PARD3B: variants seen among roughly 807,000 people sequenced by gnomAD.
The protein encoded by PARD3B is partitioning defective 3 homolog B.
PARD3B carries 103 observed loss-of-function variants against 130.2 expected under a neutral mutation model. The observed-to-expected ratio is 0.79, with a 90% CI of 0.67 to 0.93. The LOEUF (loss-of-function observed/expected upper bound fraction) is 0.93, where lower values mean the gene tolerates loss of function less well. PARD3B is among the 40% of genes least tolerant of loss of function. PARD3B has a pLI of 0.00. For synonymous variants in PARD3B, 583 were observed against 553.2 expected (o/e 1.05, Z -0.76); for missense variants, 1,609 against 1,499.2 (o/e 1.07, Z -1.21).
chr2:204,742,540 A>G (rs766060293), intron 2 of PARD3B, among the ~76,000 whole-genome samples: 1 of 152,116 alleles, frequency 6.6e-6, no homozygotes, highest in Non-Finnish European at 1.5e-5. Context: ...GTGAGAATAG[A>G]GCAAAAGCTG....
At chr2:204,658,633 C>A (rs1361033395) in intron 1 of PARD3B, among the ~76,000 whole-genome samples, 1 of 150,990 alleles carries the variant, frequency 6.6e-6, no homozygotes, top group Non-Finnish European at 1.5e-5. Flanking sequence ...TTTTTTTTTT[C>A]TTTTCCAAAC....
chr2:204,869,971 A>G (rs577136324), intron 2 of PARD3B, among the ~76,000 whole-genome samples: 3 of 152,300 alleles, frequency 2.0e-5, no homozygotes, highest in Non-Finnish European at 4.4e-5. Flanking sequence ...TGGTCAGCAT[A>G]GTGTTTTCTG....
At chr2:205,554,256 T>TC (rs1245307993) in intron 22 of PARD3B, among the ~76,000 whole-genome samples, 1 of 151,822 alleles carries the variant, frequency 6.6e-6, no homozygotes, top group African/African-American at 2.4e-5. Flanking sequence ...AAGCAGAGTT[T>TC]TTTTATCAAA....
At chr2:204,748,490 G>A (rs149387663) in intron 2 of PARD3B, among the ~76,000 whole-genome samples, 1 of 152,108 alleles carries the variant, frequency 6.6e-6, no homozygotes, top group Non-Finnish European at 1.5e-5. Context: ...GATGAGAAAC[G>A]ATTGTGGAAT....
chr2:205,261,485 A>G (rs2040309071), intron 16 of PARD3B, among the ~76,000 whole-genome samples: 1 of 152,170 alleles, frequency 6.6e-6, no homozygotes, highest in Admixed American at 6.6e-5. Flanking sequence ...GAAGCCAGAC[A>G]TGGTTTTATT....
At chr2:204,789,067 T>G (rs1163031170) in intron 2 of PARD3B, among the ~76,000 whole-genome samples, 1 of 152,180 alleles carries the variant, frequency 6.6e-6, no homozygotes, top group Non-Finnish European at 1.5e-5. Flanking sequence ...ATTGCTATTA[T>G]TATTTTATAG....
chr2:204,788,991 T>G (rs1441158587), intron 2 of PARD3B, among the ~76,000 whole-genome samples: 3 of 152,208 alleles, frequency 2.0e-5, no homozygotes, highest in Non-Finnish European at 4.4e-5. Context: ...CACTTACATT[T>G]TTATCACTTG....
At chr2:204,743,062 AT>A (rs1022486821) in intron 2 of PARD3B, among the ~76,000 whole-genome samples, 6 of 152,220 alleles carry the variant, frequency 3.9e-5, no homozygotes, top group African/African-American at 1.4e-4. Context: ...TCCTTTATTA[AT>A]TTTTTGGAAT....
chr2:205,200,993 A>T (rs772298329), intron 15 of PARD3B, among the ~76,000 whole-genome samples: 4 of 152,196 alleles, frequency 2.6e-5, no homozygotes, highest in African/African-American at 4.8e-5. Flanking sequence ...TCAAAGGAGA[A>T]AACAGCTCCA....
chr2:204,806,193 A>G (rs1178686923), intron 2 of PARD3B, among the ~76,000 whole-genome samples: 2 of 152,142 alleles, frequency 1.3e-5, no homozygotes, highest in Non-Finnish European at 2.9e-5. Context: ...GACATCTGGA[A>G]CAAAAAGAAC....
intron 2 of PARD3B, among the ~76,000 whole-genome samples, chr2:204,913,800 A>G (rs1037759472): frequency 5.9e-5 from 9 of 152,186 alleles, no homozygotes; most frequent in Non-Finnish European, 4.4e-5. Context: ...TATGTGTATT[A>G]TTTTCTCAAA....
chr2:205,383,141 T>TAGATAGATAGATAGA lies in PARD3B; in HGVS notation c.2631-17872_2631-17871insAGATAGATAGATAGA. On this transcript the variant is annotated intron_variant, in intron 18 of 22. Coordinates refer to ENST00000406610, the MANE Select transcript of PARD3B (RefSeq NM_001302769.2). ...ATAGATAGATAGATAGATAGATAGA[T>TAGATAGATAGATAGA]CGATCTAAACTATGTCTACACATAT... is the stretch of plus-strand genomic sequence containing the variant. Among the ~76,000 whole-genome samples, 3 of 102,054 alleles carry TAGATAGATAGATAGA rather than the reference T, an allele frequency of 2.9e-5. 1 individual carries two copies. Among genetic ancestry groups the TAGATAGATAGATAGA allele is most frequent in the Non-Finnish European group, 7.2e-5 (3 of 41,808 alleles). The allele number at this position is 102,054 out of a possible 152,430, so 67.0% of individuals were successfully genotyped here. A position where few individuals can be genotyped will look rare whatever the true frequency, so the allele number is the denominator to read the frequency against.
chr2:205,488,370 A>G (rs2049531000), intron 20 of PARD3B, among the ~76,000 whole-genome samples: 1 of 152,116 alleles, frequency 6.6e-6, no homozygotes, highest in Non-Finnish European at 1.5e-5. Flanking sequence ...TCGTGCTCCT[A>G]TAAGAATCTA....
At chr2:205,194,006 T>C (rs2036538062) in intron 15 of PARD3B, among the ~76,000 whole-genome samples, 1 of 152,168 alleles carries the variant, frequency 6.6e-6, no homozygotes, top group South Asian at 2.1e-4. Flanking sequence ...TCTGAAAGCC[T>C]TGGGACATCT....
In PARD3B at chr2:204,610,419, G is replaced by A. The variant is rs187642212; in HGVS notation, c.120+64300G>A. ...TGCCTAGGCTGGAGGGCAGTGGCACGGTCTTGGCTTACTGCAACCTCGACC... is the reference window on the plus strand; with the variant it reads ...TGCCTAGGCTGGAGGGCAGTGGCACAGTCTTGGCTTACTGCAACCTCGACC... On this transcript the variant is annotated intron_variant, in intron 1 of 22. Coordinates refer to ENST00000406610, the MANE Select transcript of PARD3B (RefSeq NM_001302769.2). This position sits in a 1 kb window ranked among gnomAD's most constrained non-coding sequence, Gnocchi z 4.1. 3.2e-3 allele frequency among the ~76,000 whole-genome samples: 481 copies of A among 152,204 alleles called. No homozygotes were observed. The highest frequency in any genetic ancestry group is 0.01 in the Middle Eastern group (3 of 294).
At chr2:205,612,487 C>A (rs1252132928) in intron 22 of PARD3B, among the ~76,000 whole-genome samples, 1 of 152,014 alleles carries the variant, frequency 6.6e-6, no homozygotes, top group East Asian at 1.9e-4. Flanking sequence ...ACATAATAGT[C>A]AGAAGAACTT....
intron 10 of PARD3B, among the ~76,000 whole-genome samples, chr2:205,151,939 G>A (rs556511326): frequency 1.3e-5 from 2 of 152,184 alleles, no homozygotes; most frequent in Non-Finnish European, 2.9e-5. Flanking sequence ...TTCAGGAGCT[G>A]TTGTAAGGCA....
intron 5 of PARD3B, among the ~76,000 whole-genome samples, chr2:205,106,817 G>A (rs191780369): frequency 1.4e-4 from 22 of 152,282 alleles, no homozygotes; most frequent in Non-Finnish European, 2.4e-4. Context: ...GCAATTCCCA[G>A]CACTTTAAGA....
chr2:205,113,522 G>A lies in PARD3B; in HGVS notation c.625G>A (p.Glu209Lys), dbSNP rs1051106307. 3.7e-6 allele frequency: 6 copies of A among 1,613,242 alleles called. No homozygotes were observed. Among genetic ancestry groups the A allele is most frequent in the Non-Finnish European group, 5.1e-6 (6 of 1,179,586 alleles). ...DMTRTVEISGEGGPLGIHVVP... is the reference protein window; with the variant it reads ...DMTRTVEISGKGGPLGIHVVP... ...GACAAGAACAGTGGAGATTTCTGGG[G>A]AAGGAGGCCCATTGGGAATACATGT... Residue 209 changes from glutamate to lysine, a missense_variant, in exon 6 of 23, where the codon GAA (glutamate) becomes AAA (lysine). Glu to Lys is a moderately conservative substitution (Grantham distance 56). Coordinates refer to ENST00000406610, the MANE Select transcript of PARD3B (RefSeq NM_001302769.2).
Sources: gnomAD v4.1 joint callset for allele counts (sites outside exome capture counted in the v4.1 genomes callset) on GRCh38, gnomAD v4.1.1 for gene constraint, Gnocchi (gnomAD v3.1) non-coding constraint, MANE v1.5 for transcripts, NCBI Gene and HGNC (gene_info 2026-07-23, HGNC 2026-07-21) for gene names.